The following CDC123 variants were observed in gnomAD, a reference collection of about 807,000 sequenced individuals.
CDC123 encodes the protein cell division cycle 123, also known as translation initiation factor eIF2 assembly protein.
A neutral mutation model predicts 54.4 loss-of-function variants in CDC123; 37 were observed. That is an observed-to-expected ratio of 0.68 (90% CI 0.52 to 0.89). CDC123 has a LOEUF of 0.89. Ranked by LOEUF, CDC123 falls within the 40% of genes least tolerant of loss-of-function variation. The pLI is 0.00. For synonymous variants in CDC123, 144 were observed against 136.8 expected (o/e 1.05, Z -0.37); for missense variants, 361 against 412.1 (o/e 0.88, Z 1.07).
intron 12 of CDC123, chr10:12,250,053 G>A (rs1836220291): frequency 2.1e-6 from 1 of 478,188 alleles, no homozygotes; most frequent in Non-Finnish European, 3.7e-6. Flanking sequence ...AAGAGGGGAT[G>A]TGAATATTTA....
intron 2 of CDC123, among the ~76,000 whole-genome samples, chr10:12,206,314 G>A (rs985092266): frequency 1.3e-5 from 2 of 152,218 alleles, no homozygotes; most frequent in African/African-American, 4.8e-5. Flanking sequence ...GTAAGATTAG[G>A]TAAGCAGCCA....
intron 2 of CDC123, among the ~76,000 whole-genome samples, chr10:12,201,222 A>G (rs957948829): frequency 2.6e-5 from 4 of 152,248 alleles, no homozygotes; most frequent in Non-Finnish European, 5.9e-5. Flanking sequence ...AATACATAAA[A>G]TGTTCAGTCT....
At chr10:12,198,558 G>C in intron 1 of CDC123, 147 bp from the exon 2 acceptor site, 1 of 627,616 alleles carries the variant, frequency 1.6e-6, no homozygotes. Context: ...CTGATTTCTT[G>C]TCTACTGCTA....
intron 2 of CDC123, among the ~76,000 whole-genome samples, chr10:12,202,740 T>A (rs1265168764): frequency 1.3e-5 from 2 of 152,224 alleles, no homozygotes; most frequent in Non-Finnish European, 2.9e-5. Flanking sequence ...ACAGCCCTGG[T>A]GTGGTGGCTC....
At chr10:12,217,924 C>T (rs1005666731) in intron 6 of CDC123, among the ~76,000 whole-genome samples, 5 of 151,924 alleles carry the variant, frequency 3.3e-5, no homozygotes, top group South Asian at 2.1e-4. Context: ...CCCGTCTCTA[C>T]TAAAAATACA....
intron 10 of CDC123, among the ~76,000 whole-genome samples, chr10:12,243,662 T>C (rs376235059): frequency 1.3e-5 from 2 of 152,014 alleles, no homozygotes; most frequent in East Asian, 3.9e-4. Flanking sequence ...CGGACGCCTG[T>C]AGTCCCAGCT....
At chr10:12,215,678 C>T in intron 4 of CDC123, 62 bp from the exon 5 acceptor site, 1 of 887,976 alleles carries the variant, frequency 1.1e-6, no homozygotes. Flanking sequence ...AGATTTTGAT[C>T]TTGTTTTATA....
intron 10 of CDC123, 130 bp from the exon 11 acceptor site, chr10:12,246,019 G>T: frequency 1.0e-6 from 1 of 955,686 alleles, no homozygotes; most frequent in Non-Finnish European, 1.6e-6. Flanking sequence ...GCAGTGAGCC[G>T]TGATCACACC....
At chr10:12,238,609 C>A in intron 10 of CDC123, 124 bp downstream of exon 10, 1 of 1,157,142 alleles carries the variant, frequency 8.6e-7, no homozygotes. Flanking sequence ...GGTGCAGCAG[C>A]TCATGCCTGT....
chr10:12,220,403 G>A (rs1018159116), intron 6 of CDC123, among the ~76,000 whole-genome samples: 1 of 152,326 alleles, frequency 6.6e-6, no homozygotes, highest in Non-Finnish European at 1.5e-5. Flanking sequence ...AGTTAAATCA[G>A]CAAGTGAGTT....
rs778582325 is a variant in CDC123 at position 12,246,155 on chromosome 10, G to T, written c.724G>T (p.Val242Leu). The change falls in exon 11 of 13, where the codon GTG (valine) becomes TTG (leucine). Residue 242 changes from valine (V) to leucine (L), a missense_variant. Val to Leu is a conservative substitution (Grantham distance 32). Coordinates refer to ENST00000281141, the MANE Select transcript of CDC123 (RefSeq NM_006023.3). ...FDIYRDSRGK[V>L]WLIDFNPFGE... ...TTCTCTCTCTGTGCTACAGGGGAAG[G>T]TGTGGCTCATTGACTTTAATCCATT... The T allele has an allele frequency of 5.0e-6, 8 of 1,613,944 alleles. No homozygotes were observed. The Admixed American group carries it at 5.0e-5, about 10-fold the overall frequency.
intron 6 of CDC123, among the ~76,000 whole-genome samples, chr10:12,220,509 C>G (rs562221516): frequency 6.6e-6 from 1 of 152,244 alleles, no homozygotes; most frequent in Admixed American, 6.5e-5. Context: ...AAGCACTGGG[C>G]TTTCAGCCTT....
intron 5 of CDC123, 34 bp downstream of exon 5, chr10:12,215,869 A>T: frequency 7.3e-7 from 1 of 1,375,662 alleles, no homozygotes; most frequent in Non-Finnish European, 1.0e-6. Flanking sequence ...TTACTGTTTG[A>T]ATATTCTTTG....
chr10:12,244,475 C>T (rs1836102040), intron 10 of CDC123, among the ~76,000 whole-genome samples: 1 of 152,152 alleles, frequency 6.6e-6, no homozygotes, highest in Admixed American at 6.5e-5. Flanking sequence ...CTGTGCGTGT[C>T]AGCACTGGCT....
In CDC123 at chr10:12,215,708, G is replaced by A. The variant is rs1264064277; in HGVS notation, c.238-32G>A. ...TTTATATATATACTGTGATGATATT[G>A]ACGTGCCCAATGATTTCTTCTCTCT... On this transcript the variant is annotated intron_variant, in intron 4 of 12. Coordinates refer to ENST00000281141, the MANE Select transcript of CDC123 (RefSeq NM_006023.3). 3.0e-6 allele frequency: 4 copies of A among 1,318,098 alleles called. No individual in the cohort carries two copies. In the African/African-American group the frequency reaches 5.9e-5, roughly 19 times the overall value. 81.7% of individuals were successfully genotyped at this position (1,318,098 alleles called of 1,614,324 possible).
At position 12,215,843 on chromosome 10, in the gene CDC123, C is replaced by T; in HGVS notation, c.333+8C>T. On this transcript the variant is annotated splice_region_variant and intron_variant, in intron 5 of 12. Coordinates refer to ENST00000281141, the MANE Select transcript of CDC123 (RefSeq NM_006023.3). ...AATTGGAGTGCCCCAAGGGTAGGAA[C>T]ACATAAGTAATTCTCTTACTGTTTG... 2.6e-6 allele frequency: 4 copies of T among 1,542,208 alleles called. No individual in the cohort carries two copies. Among genetic ancestry groups the T allele is most frequent in the Non-Finnish European group, 3.6e-6 (4 of 1,125,394 alleles).
intron 6 of CDC123, among the ~76,000 whole-genome samples, chr10:12,219,590 C>T (rs11257604): frequency 0.019 from 2,842 of 151,978 alleles, 81 homozygotes; most frequent in African/African-American, 0.064. Flanking sequence ...AGTTGTGGCT[C>T]TTTTTTCCAT....
At chr10:12,227,690 G>A (rs1364147737) in intron 6 of CDC123, among the ~76,000 whole-genome samples, 1 of 151,934 alleles carries the variant, frequency 6.6e-6, no homozygotes, top group African/African-American at 2.4e-5. Flanking sequence ...TAGAGATGGG[G>A]TTTCATCATG....
intron 7 of CDC123, among the ~76,000 whole-genome samples, chr10:12,231,420 C>T (rs929388310): frequency 2.0e-5 from 3 of 152,002 alleles, no homozygotes; most frequent in Non-Finnish European, 4.4e-5. Flanking sequence ...ATCAGGAGTG[C>T]GAGACCAGCC....
Sources: allele counts gnomAD v4.1 joint callset (sites outside exome capture counted in the v4.1 genomes callset), GRCh38; gene constraint gnomAD v4.1.1; transcripts MANE v1.5; gene names NCBI Gene and HGNC (gene_info 2026-07-23, HGNC 2026-07-21).